Variants in STK3 observed in about 807,000 individuals in gnomAD.
The protein encoded by STK3 is serine/threonine-protein kinase 3.
STK3 carries 41 observed loss-of-function variants against 58.0 expected under a neutral mutation model. The observed-to-expected ratio is 0.71, with a 90% CI of 0.55 to 0.92. STK3 has a LOEUF of 0.92. Among genes scored for constraint, STK3 ranks in the 40% least tolerant of loss-of-function variants. STK3 has a pLI of 0.00. For missense variants in STK3, 479 were observed against 602.7 expected (o/e 0.79, Z 2.15); for synonymous variants, 170 against 191.0 (o/e 0.89, Z 0.91).
chr8:98,498,203 A>G (rs1454573753), intron 10 of STK3, among the ~76,000 whole-genome samples: 2 of 151,970 alleles, frequency 1.3e-5, no homozygotes, highest in East Asian at 3.9e-4. Context: ...CCTGACATGA[A>G]GATCTGGGCT....
At chr8:98,609,433 A>G (rs1425694972) in intron 6 of STK3, among the ~76,000 whole-genome samples, 1 of 152,218 alleles carries the variant, frequency 6.6e-6, no homozygotes, top group Non-Finnish European at 1.5e-5. Flanking sequence ...GAAATATGGT[A>G]CAATGTATAC....
chr8:98,871,998 T>C (rs1837396694), intron 3 of STK3, among the ~76,000 whole-genome samples: 1 of 152,196 alleles, frequency 6.6e-6, no homozygotes, highest in African/African-American at 2.4e-5. Context: ...ATAGCTCTTA[T>C]TATTTTGAGA....
At chr8:98,701,861 TGA>T (rs2131038472) in intron 6 of STK3, among the ~76,000 whole-genome samples, 1 of 152,294 alleles carries the variant, frequency 6.6e-6, no homozygotes, top group East Asian at 1.9e-4. Flanking sequence ...TAAAATAAAC[TGA>T]GTTTTAATTT....
At chr8:98,727,143 T>C (rs1268687200) in intron 4 of STK3, among the ~76,000 whole-genome samples, 2 of 152,182 alleles carry the variant, frequency 1.3e-5, no homozygotes, top group African/African-American at 4.8e-5. Context: ...AGATTGAACA[T>C]ATGACCTAGG....
intron 3 of STK3, among the ~76,000 whole-genome samples, chr8:98,418,490 G>A (rs1818136673): frequency 1.3e-5 from 2 of 152,188 alleles, no homozygotes; most frequent in South Asian, 2.1e-4. Context: ...TGGATGGATC[G>A]ATGGGCAGCG....
At chr8:98,874,219 G>T (rs967327491) in intron 3 of STK3, among the ~76,000 whole-genome samples, 5 of 152,208 alleles carry the variant, frequency 3.3e-5, no homozygotes, top group African/African-American at 1.2e-4. Context: ...TCCGCTGTTA[G>T]TCTGTTGGGC....
intron 1 of STK3, among the ~76,000 whole-genome samples, chr8:98,930,937 A>C (rs113314666): frequency 1.3e-3 from 200 of 152,338 alleles, no homozygotes; most frequent in African/African-American, 4.5e-3. Context: ...GAAAATGCTT[A>C]GCCCAAGAAG....
intron 1 of STK3, among the ~76,000 whole-genome samples, chr8:98,885,745 C>T (rs1372522567): frequency 1.3e-5 from 2 of 151,960 alleles, no homozygotes; most frequent in Non-Finnish European, 1.5e-5. Context: ...AGGCTGATTT[C>T]GGTTTTTATT....
intron 4 of STK3, among the ~76,000 whole-genome samples, chr8:98,712,551 T>C (rs973343315): frequency 6.6e-5 from 10 of 151,320 alleles, no homozygotes; most frequent in Admixed American, 2.6e-4. Context: ...CATTACATAA[T>C]GGTAAAGGGA....
intron 6 of STK3, among the ~76,000 whole-genome samples, chr8:98,639,634 C>T (rs975131894): frequency 1.3e-5 from 2 of 152,168 alleles, no homozygotes; most frequent in South Asian, 4.2e-4. Flanking sequence ...CTTTTTGTTT[C>T]TTTATTTGCT....
chr8:98,717,695 G>A (rs1827120281), intron 4 of STK3, among the ~76,000 whole-genome samples: 1 of 152,190 alleles, frequency 6.6e-6, no homozygotes, highest in South Asian at 2.1e-4. Flanking sequence ...TTAAATGCAG[G>A]GTCTCAAAGA....
intron 10 of STK3, among the ~76,000 whole-genome samples, chr8:98,475,280 C>T (rs1047631940): frequency 6.6e-6 from 1 of 152,126 alleles, no homozygotes; most frequent in African/African-American, 2.4e-5. Flanking sequence ...CCTGAAAGTC[C>T]TGTGCTTAAG....
chr8:98,634,257 C>G (rs968146459), intron 6 of STK3, among the ~76,000 whole-genome samples: 1 of 152,128 alleles, frequency 6.6e-6, no homozygotes, highest in African/African-American at 2.4e-5. Context: ...GAGGCCAAGG[C>G]AGGCGGATCA....
At chr8:98,654,480 C>T (rs913815998) in intron 6 of STK3, among the ~76,000 whole-genome samples, 17 of 152,150 alleles carry the variant, frequency 1.1e-4, no homozygotes, top group African/African-American at 7.2e-5. Flanking sequence ...GAAGTTCTGG[C>T]CAGGGCAATT....
In STK3 at chr8:98,831,501, C is replaced by T. The variant is rs147896138; in HGVS notation, c.110+52146G>A. 7.0e-3 allele frequency among the ~76,000 whole-genome samples: 1,063 copies of T among 152,318 alleles called. 8 individuals are homozygous for T. The highest frequency in any genetic ancestry group is 0.024 in the African/African-American group (998 of 41,558). On this transcript the variant is annotated intron_variant, in intron 3 of 12. Coordinates refer to the STK3 transcript ENST00000523601. ...CGAACTCCTGGTCTCAAGCAATCCT[C>T]CCACCTTAGCCTCCCATAGTGCTGG...
rs181945966 is a variant in STK3, at chr8:98,685,073, T to G, written c.684+21394A>C. Among the ~76,000 whole-genome samples the G allele has an allele frequency of 6.8e-3, 1,033 of 152,294 alleles. 8 individuals are homozygous for G. Among genetic ancestry groups the G allele is most frequent in the African/African-American group, 0.023 (970 of 41,556 alleles). ...CTGAAATGTAAATGTCATCTTTCAA[T>G]CATTAATAAATCAATTTAACTCATC... On this transcript the variant is annotated intron_variant, in intron 6 of 10. Coordinates refer to ENST00000419617, the MANE Select transcript of STK3 (RefSeq NM_006281.4).
At chr8:98,654,508 C>A (rs937751435) in intron 6 of STK3, among the ~76,000 whole-genome samples, 37 of 152,046 alleles carry the variant, frequency 2.4e-4, no homozygotes, top group East Asian at 7.7e-4. Context: ...AGAAGGAAAT[C>A]AAGGGTATTC....
chr8:98,744,227 C>T (rs570893812), intron 4 of STK3, among the ~76,000 whole-genome samples: 19 of 152,276 alleles, frequency 1.2e-4, no homozygotes, highest in Admixed American at 5.2e-4. Flanking sequence ...CATCTCATTA[C>T]TGGGTATATA....
intron 3 of STK3, among the ~76,000 whole-genome samples, chr8:98,405,998 T>C (rs1466716281): frequency 6.6e-6 from 1 of 152,142 alleles, no homozygotes; most frequent in Non-Finnish European, 1.5e-5. Context: ...TATCATAAGG[T>C]GACCCAGGTC....
Sources: gnomAD v4.1 joint callset for allele counts (sites outside exome capture counted in the v4.1 genomes callset) on GRCh38, gnomAD v4.1.1 for gene constraint, MANE v1.5 for transcripts, NCBI Gene and HGNC (gene_info 2026-07-23, HGNC 2026-07-21) for gene names.